The following RANBP6 variants were observed in gnomAD, a reference collection of about 807,000 sequenced individuals.
RANBP6 encodes the protein ran-binding protein 6.
RANBP6 carries 10 observed loss-of-function variants against 35.3 expected under a neutral mutation model. That is an observed-to-expected ratio of 0.28 (90% CI 0.17 to 0.48). The LOEUF (loss-of-function observed/expected upper bound fraction) is 0.48. RANBP6 is among the 20% of genes least tolerant of loss of function. The pLI is 0.99. For synonymous variants in RANBP6, 514 were observed against 464.2 expected (o/e 1.11, Z -1.38); for missense variants, 1,392 against 1,307.7 (o/e 1.06, Z -0.99).
rs775618114 is a variant in RANBP6 at position 6,013,997 on chromosome 9, T to C, written c.1611A>G (p.Pro537=). Residue 537 remains proline (P), a synonymous_variant, in exon 1 of 1, where the codon CCA becomes CCG. Transcript: ENST00000259569. ...GTGAGGGCATGAATATATCATAATATGGGACAAATTTTTCTTCTATTGTAT... is the reference window on the plus strand; with the variant it reads ...GTGAGGGCATGAATATATCATAATACGGGACAAATTTTTCTTCTATTGTAT... ...VADTIEEKFV[P]YYDIFMPSLK... 5 of 1,613,796 alleles carry C rather than the reference T, an allele frequency of 3.1e-6. No homozygotes were observed. The highest frequency in any genetic ancestry group is 3.4e-6 in the Non-Finnish European group (4 of 1,179,950).
rs1480006654 is a variant in RANBP6, at chr9:6,012,068, G to C, written c.*222C>G. ...GGGAAAGGTGACAAACATTGTTTAA[G>C]ACAGTTTGAAGCACAGGTTATCACC... On this transcript the variant is annotated 3_prime_UTR_variant, in exon 1 of 1. Transcript: ENST00000259569. The C allele has an allele frequency of 9.9e-6, 4 of 404,290 alleles. No homozygotes were observed. 25.0% of individuals were successfully genotyped at this position (404,290 alleles called of 1,614,324 possible).
In RANBP6 at chr9:6,012,454, C is replaced by T. The variant is rs1842490709; in HGVS notation, c.3154G>A (p.Glu1052Lys). ...NLPKIISIIAEGKINETINYE... is the reference protein window; with the variant it reads ...NLPKIISIIAKGKINETINYE... ...TTAATAGTCTCATTAATTTTTCCTT[C>T]TGCAATTATACTGATTATTTTGGGA... The change falls in exon 1 of 1, where the codon GAA becomes AAA. Residue 1052 changes from glutamate to lysine, a missense_variant. Transcript: ENST00000259569. The T allele has an allele frequency of 6.2e-7, 1 of 1,613,538 alleles. No individual in the cohort carries two copies. The highest frequency in any genetic ancestry group is 8.5e-7 in the Non-Finnish European group (1 of 1,179,856).
Position 6,014,558 on chromosome 9 carries a change from T to C in RANBP6, c.1050A>G (p.Ala350=), listed in dbSNP as rs1354763444. The part of the protein sequence containing the change: ...FDSNAVAAES[A]LDRLACGLGG... ...CAAGCCCACAAGCCAGTCTGTCTAG[T>C]GCACTCTCCGCAGCAACTGCATTGC... The change falls in exon 1 of 1, where the codon GCA becomes GCG. Residue 350 remains alanine (A), a synonymous_variant. Coordinates refer to ENST00000259569, the MANE Select transcript of RANBP6 (RefSeq NM_012416.4). 2 of 1,614,240 alleles carry C rather than the reference T, an allele frequency of 1.2e-6. No homozygotes were observed. Among genetic ancestry groups the C allele is most frequent in the South Asian group, 2.2e-5 (2 of 91,088 alleles).
At position 6,012,426 on chromosome 9, in the gene RANBP6, T is replaced by C. The variant is rs371185956; in HGVS notation, c.3182A>G (p.Tyr1061Cys). ...TAGGCGTTTGGCACAAGGATCCTCA[T>C]AGTTAATAGTCTCATTAATTTTTCC... is the stretch of plus-strand genomic sequence containing the variant. ...AEGKINETIN[Y>C]EDPCAKRLAN... The change falls in exon 1 of 1, where the codon TAT becomes TGT. Residue 1061 changes from tyrosine (Y) to cysteine (C), a missense_variant. Coordinates refer to ENST00000259569, the MANE Select transcript of RANBP6 (RefSeq NM_012416.4). 2 of 1,613,982 alleles carry C rather than the reference T, an allele frequency of 1.2e-6. No individual in the cohort carries two copies. Among genetic ancestry groups the C allele is most frequent in the East Asian group, 2.2e-5 (1 of 44,888 alleles).
At position 6,013,944 on chromosome 9, in the gene RANBP6, T is replaced by C. The variant is rs1439422564; in HGVS notation, c.1664A>G (p.Gln555Arg). 1 of 1,614,036 alleles carries C rather than the reference T, an allele frequency of 6.2e-7. No individual in the cohort carries two copies. The highest frequency in any genetic ancestry group is 1.1e-5 in the South Asian group (1 of 91,084). The change falls in exon 1 of 1, where the codon CAG (glutamine) becomes CGG (arginine). Residue 555 changes from glutamine (Q) to arginine (R), a missense_variant. Transcript: ENST00000259569. ...SLKHIVELAV[Q>R]KELKLLRGKT... Reference sequence around the variant, plus strand: ...TCCTCTCAGAAGCTTGAGTTCCTTCTGAACAGCAAGCTCAACAATGTGCTT... The same window carrying C: ...TCCTCTCAGAAGCTTGAGTTCCTTCCGAACAGCAAGCTCAACAATGTGCTT...
chr9:6,015,281 T>G lies in RANBP6; in HGVS notation c.327A>C (p.Thr109=). Residue 109 remains threonine, a synonymous_variant, in exon 1 of 1, where the codon ACA becomes ACC. Coordinates refer to ENST00000259569, the MANE Select transcript of RANBP6 (RefSeq NM_012416.4). ...IELILAVKLE[T]HASMRKKLCD... ...AAAGTTTTTTCCTCATGCTAGCATG[T>G]GTTTCTAACTTAACAGCCAGAATCA... The G allele has an allele frequency of 1.2e-6, 2 of 1,614,258 alleles. No individual in the cohort carries two copies. The highest frequency in any genetic ancestry group is 1.7e-6 in the Non-Finnish European group (2 of 1,180,044).
rs1842481245 is a variant in RANBP6, at chr9:6,012,089, T to C, written c.*201A>G. 1 of 443,592 alleles carries C rather than the reference T, an allele frequency of 2.3e-6. No homozygotes were observed. Among genetic ancestry groups the C allele is most frequent in the Non-Finnish European group, 4.0e-6 (1 of 253,062 alleles). The allele number at this position is 443,592 out of a possible 1,614,324, so 27.5% of individuals were successfully genotyped here. ...TTAAGACAGTTTGAAGCACAGGTTA[T>C]CACCAAGGTCTGTGTTTGGAAGATA... On this transcript the variant is annotated 3_prime_UTR_variant, in exon 1 of 1. Transcript: ENST00000259569.
At position 6,012,694 on chromosome 9, in the gene RANBP6, T is replaced by G; in HGVS notation, c.2914A>C (p.Lys972Gln). 2 of 1,613,956 alleles carry G rather than the reference T, an allele frequency of 1.2e-6. No individual in the cohort carries two copies. Among genetic ancestry groups the G allele is most frequent in the South Asian group, 1.1e-5 (1 of 91,000 alleles). The part of the protein sequence containing the change: ...VIKCANSKTK[K>Q]NVIATENCIS... Reference sequence around the variant, plus strand: ...CAGTTCTCTGTAGCAATGACATTTTTTTTGGTTTTGGAATTTGCACACTTA... The same window carrying G: ...CAGTTCTCTGTAGCAATGACATTTTGTTTGGTTTTGGAATTTGCACACTTA... The change falls in exon 1 of 1, where the codon AAA (lysine) becomes CAA (glutamine). Residue 972 changes from lysine (K) to glutamine (Q), a missense_variant. Transcript: ENST00000259569.
At position 6,015,516 on chromosome 9, in the gene RANBP6, C is replaced by G. The variant is rs1296964088; in HGVS notation, c.92G>C (p.Cys31Ser). Residue 31 changes from cysteine to serine, a missense_variant, in exon 1 of 1, where the codon TGT becomes TCT. Transcript: ENST00000259569. ...QLLKNLINPS[C>S]MVRRQAEEIY... ...TTCCTCTGCTTGCCTCCGCACCATA[C>G]AGCTTGGATTGATCAGGTTCTTCAG... is the stretch of plus-strand genomic sequence containing the variant. 1.2e-6 allele frequency: 2 copies of G among 1,613,494 alleles called. No homozygotes were observed. The highest frequency in any genetic ancestry group is 1.6e-4 in the Middle Eastern group (1 of 6,062).
rs749771234 is a variant in RANBP6 at position 6,014,391 on chromosome 9, T to C, written c.1217A>G (p.Asp406Gly). The change falls in exon 1 of 1, where the codon GAT (aspartate) becomes GGT (glycine). Residue 406 changes from aspartate to glycine, a missense_variant. Asp to Gly is a moderately conservative substitution (Grantham distance 94). Transcript: ENST00000259569. Reference protein sequence around the residue: ...GCHQQMESILDETVNSVLLFL... With the variant: ...GCHQQMESILGETVNSVLLFL... The stretch of plus-strand genomic sequence containing the variant: ...AAGCAAAACGGAGTTAACTGTTTCA[T>C]CTAGAATTGATTCCATTTGTTGATG... The C allele has an allele frequency of 2.5e-6, 4 of 1,614,084 alleles. No individual in the cohort carries two copies. Among genetic ancestry groups the C allele is most frequent in the East Asian group, 2.2e-5 (1 of 44,900 alleles).
In RANBP6 at chr9:6,014,405, C is replaced by G; in HGVS notation, c.1203G>C (p.Met401Ile). Residue 401 changes from methionine to isoleucine, a missense_variant, in exon 1 of 1, where the codon ATG becomes ATC. Met to Ile is a conservative substitution (Grantham distance 10). Coordinates refer to ENST00000259569, the MANE Select transcript of RANBP6 (RefSeq NM_012416.4). ...TAACTGTTTCATCTAGAATTGATTCCATTTGTTGATGGCATCCTTCTCCAA... is the reference window on the plus strand; with the variant it reads ...TAACTGTTTCATCTAGAATTGATTCGATTTGTTGATGGCATCCTTCTCCAA... ...SAIGEGCHQQMESILDETVNS... is the reference protein window; with the variant it reads ...SAIGEGCHQQIESILDETVNS... The G allele has an allele frequency of 6.2e-7, 1 of 1,614,126 alleles. No individual in the cohort carries two copies. Among genetic ancestry groups the G allele is most frequent in the Non-Finnish European group, 8.5e-7 (1 of 1,180,004 alleles).
Position 6,011,637 on chromosome 9 carries a change from C to T in RANBP6, c.*653G>A, listed in dbSNP as rs1320086843. 1 of 152,130 alleles carries T rather than the reference C, an allele frequency of 6.6e-6. No homozygotes were observed. The highest frequency in any genetic ancestry group is 1.5e-5 in the Non-Finnish European group (1 of 68,018). 9.4% of individuals were successfully genotyped at this position (152,130 alleles called of 1,614,324 possible). A position where few individuals can be genotyped will look rare whatever the true frequency, so the allele number is the denominator to read the frequency against. ...CTATGGTTCTTGGAGTCCTGGATAA[C>T]TTAAAAAAATAGAGACCTGTCTGGC... On this transcript the variant is annotated 3_prime_UTR_variant, in exon 1 of 1. Transcript: ENST00000259569.
chr9:6,012,157 G>A lies in RANBP6; in HGVS notation c.*133C>T. On this transcript the variant is annotated 3_prime_UTR_variant, in exon 1 of 1. Coordinates refer to ENST00000259569, the MANE Select transcript of RANBP6 (RefSeq NM_012416.4). ...AGAGGACTAACACTGATTAATTCTG[G>A]AGAAACATGGAGAAGAACTATAAAC... 1.5e-6 allele frequency: 1 copy of A among 663,592 alleles called. No individual in the cohort carries two copies. Among genetic ancestry groups the A allele is most frequent in the Non-Finnish European group, 2.4e-6 (1 of 417,692 alleles). The allele number at this position is 663,592 out of a possible 1,614,324, so 41.1% of individuals were successfully genotyped here.
Position 6,013,853 on chromosome 9 carries a change from T to G in RANBP6, c.1755A>C (p.Ala585=). The change falls in exon 1 of 1, where the codon GCA becomes GCC. Residue 585 remains alanine (A), a synonymous_variant. Coordinates refer to ENST00000259569, the MANE Select transcript of RANBP6 (RefSeq NM_012416.4). ...TCAACAACAGCTGCATCACATTTGA[T>G]GCATCTTGCATAAATTTTTCCTTCC... The part of the protein sequence containing the change: ...AVGKEKFMQD[A]SNVMQLLLKT... The G allele has an allele frequency of 6.2e-7, 1 of 1,614,018 alleles. No homozygotes were observed.
rs772189910 is a variant in RANBP6, at chr9:6,015,069, A to G, written c.539T>C (p.Ile180Thr). 13 of 1,614,082 alleles carry G rather than the reference A, an allele frequency of 8.1e-6. No individual in the cohort carries two copies. The South Asian group carries it at 1.2e-4, about 15-fold the overall frequency. ...FGTQERHDLDIIKRLLDQCIQ... is the reference protein window; with the variant it reads ...FGTQERHDLDTIKRLLDQCIQ... ...ACACTGGTCCAACAACCGTTTGATG[A>G]TATCCAAATCATGCCGCTCTTGGGT... Residue 180 changes from isoleucine (I) to threonine (T), a missense_variant, in exon 1 of 1, where the codon ATC (isoleucine) becomes ACC (threonine). By Grantham distance (89) the Ile-to-Thr change is moderately conservative. Transcript: ENST00000259569.
rs747224335 is a variant in RANBP6 at position 6,014,241 on chromosome 9, C to T, written c.1367G>A (p.Arg456His). The change falls in exon 1 of 1, where the codon CGT becomes CAT. Residue 456 changes from arginine (R) to histidine (H), a missense_variant. Arg to His is a conservative substitution (Grantham distance 29). Transcript: ENST00000259569. Reference protein sequence around the residue: ...FHETVIAALLRTMENQGNQRV... With the variant: ...FHETVIAALLHTMENQGNQRV... ...CTGATTACCTTGATTTTCCATGGTACGTAACAGAGCTGCAATCACTGTTTC... is the reference window on the plus strand; with the variant it reads ...CTGATTACCTTGATTTTCCATGGTATGTAACAGAGCTGCAATCACTGTTTC... 44 of 1,613,854 alleles carry T rather than the reference C, an allele frequency of 2.7e-5. No homozygotes were observed. The highest frequency in any genetic ancestry group is 1.7e-4 in the Middle Eastern group (1 of 6,052).
rs757892909 is a variant in RANBP6, at chr9:6,015,028, G to A, written c.580C>T (p.His194Tyr). 7.4e-6 allele frequency: 12 copies of A among 1,614,182 alleles called. No individual in the cohort carries two copies. The Admixed American group carries it at 2.0e-4, about 27-fold the overall frequency. ...LLDQCIQDQE[H>Y]PAIRTLSARA... Reference sequence around the variant, plus strand: ...GCGGATAATGTCCTGATTGCTGGATGTTCTTGATCTTGAATACACTGGTCC... The same window carrying A: ...GCGGATAATGTCCTGATTGCTGGATATTCTTGATCTTGAATACACTGGTCC... The change falls in exon 1 of 1, where the codon CAT becomes TAT. Residue 194 changes from histidine to tyrosine, a missense_variant. Coordinates refer to ENST00000259569, the MANE Select transcript of RANBP6 (RefSeq NM_012416.4).
chr9:6,013,140 C>T lies in RANBP6; in HGVS notation c.2468G>A (p.Arg823Lys). 1.2e-6 allele frequency: 2 copies of T among 1,614,088 alleles called. No homozygotes were observed. Among genetic ancestry groups the T allele is most frequent in the Non-Finnish European group, 1.7e-6 (2 of 1,180,026 alleles). Residue 823 changes from arginine to lysine, a missense_variant, in exon 1 of 1, where the codon AGA becomes AAA. Transcript: ENST00000259569. The part of the protein sequence containing the change: ...FKNQELRQVK[R>K]QEENYDQQVE... ...CTGTTGATCATAGTTTTCTTCCTGT[C>T]TTTTCACCTGTCTCAATTCTTGGTT...
At position 6,012,163 on chromosome 9, in the gene RANBP6, C is replaced by G; in HGVS notation, c.*127G>C. On this transcript the variant is annotated 3_prime_UTR_variant, in exon 1 of 1. Coordinates refer to ENST00000259569, the MANE Select transcript of RANBP6 (RefSeq NM_012416.4). ...CTAACACTGATTAATTCTGGAGAAA[C>G]ATGGAGAAGAACTATAAACTGCTTA... The G allele has an allele frequency of 2.9e-6, 2 of 684,624 alleles. No homozygotes were observed. The highest frequency in any genetic ancestry group is 2.3e-6 in the Non-Finnish European group (1 of 437,228). The allele number at this position is 684,624 out of a possible 1,614,324, so 42.4% of individuals were successfully genotyped here. A position where few individuals can be genotyped will look rare whatever the true frequency, so the allele number is the denominator to read the frequency against.
Sources: allele counts gnomAD v4.1 joint callset, GRCh38; gene constraint gnomAD v4.1.1; transcripts MANE v1.5; gene names NCBI Gene and HGNC (gene_info 2026-07-23, HGNC 2026-07-21).